The following LIPA variants were observed in gnomAD, a reference collection of about 807,000 sequenced individuals.
LIPA encodes lipase A, lysosomal acid type.
A neutral mutation model predicts 40.6 loss-of-function variants in LIPA; 26 were observed. The observed-to-expected ratio is 0.64, with a 90% CI of 0.47 to 0.89. The LOEUF is 0.89. LIPA is among the 40% of genes least tolerant of loss of function. The pLI is 0.00. For synonymous variants in LIPA, 188 were observed against 168.4 expected, an observed-to-expected ratio of 1.12 and a Z score of -0.90; for missense variants, 455 against 479.6, an observed-to-expected ratio of 0.95 and a Z score of 0.48.
chr10:89,375,761 A>G (rs1045466339), intron 2 of LIPA, among the ~76,000 whole-genome samples: 4 of 152,106 alleles, frequency 2.6e-5, no homozygotes, highest in Non-Finnish European at 4.4e-5. Context: ...ATGCTTAGAG[A>G]ATTTTTCTGC....
intron 2 of LIPA, among the ~76,000 whole-genome samples, chr10:89,409,372 C>A (rs1589645026): frequency 6.6e-6 from 1 of 152,158 alleles, no homozygotes. Flanking sequence ...ATGGAGCATG[C>A]CAATCACCCG....
chr10:89,343,814 T>A (rs1267625480), upstream of LIPA, among the ~76,000 whole-genome samples: 1 of 152,202 alleles, frequency 6.6e-6, no homozygotes, highest in Non-Finnish European at 1.5e-5. Context: ...GGAGCTACAC[T>A]CAGGAAGCTT....
At chr10:89,230,804 G>T (rs1228825232) in intron 3 of LIPA, among the ~76,000 whole-genome samples, 1 of 152,188 alleles carries the variant, frequency 6.6e-6, no homozygotes, top group African/African-American at 2.4e-5. Flanking sequence ...CTGACACACA[G>T]TAAGAGTTCA....
At chr10:89,232,007 T>G (rs918548627) in intron 3 of LIPA, among the ~76,000 whole-genome samples, 1 of 152,228 alleles carries the variant, frequency 6.6e-6, no homozygotes, top group Non-Finnish European at 1.5e-5. Context: ...GCTTCTTGGC[T>G]TCAATGAAGA....
At chr10:89,392,516 C>T in intron 2 of LIPA, 1 of 167,858 alleles carries the variant, frequency 6.0e-6, no homozygotes, top group Non-Finnish European at 1.2e-5. Flanking sequence ...GTTTCACTTT[C>T]CCCTTTCGGT....
At chr10:89,312,818 A>AAAT (rs992867898) in intron 1 of LIPA, among the ~76,000 whole-genome samples, 4 of 151,330 alleles carry the variant, frequency 2.6e-5, no homozygotes, top group Non-Finnish European at 4.4e-5. Context: ...CAAAAAAAAA[A>AAAT]AATAATAATA....
At chr10:89,355,808 CA>C (rs1475266562) in intron 2 of LIPA, among the ~76,000 whole-genome samples, 2 of 152,178 alleles carry the variant, frequency 1.3e-5, no homozygotes, top group Admixed American at 1.3e-4. Context: ...TTAGCATTAG[CA>C]TGCTAAAAGA....
intron 1 of LIPA, among the ~76,000 whole-genome samples, chr10:89,310,025 T>A (rs1205665078): frequency 1.3e-5 from 2 of 152,228 alleles, no homozygotes; most frequent in Admixed American, 6.5e-5. Context: ...TATCCATCAA[T>A]GACCATTGCC....
At chr10:89,226,633 T>C (rs1189999103) in intron 5 of LIPA, among the ~76,000 whole-genome samples, 1 of 152,248 alleles carries the variant, frequency 6.6e-6, no homozygotes, top group Non-Finnish European at 1.5e-5. Context: ...TTTTCTACTC[T>C]CTCACATCCC....
chr10:89,339,457 TTGGAA>T, intron 1 of LIPA: 1 of 1,614,120 alleles, frequency 6.2e-7, no homozygotes, highest in Non-Finnish European at 8.5e-7. Flanking sequence ...TCAACGGGTG[TTGGAA>T]TCCACACCAA....
At chr10:89,291,915 A>AT (rs1466209631) in intron 1 of LIPA, 10 of 152,186 alleles carry the variant, frequency 6.6e-5, no homozygotes, top group Non-Finnish European at 1.5e-4. Context: ...AATGTGAGTG[A>AT]ATGTGATGTA....
At position 89,226,920 on chromosome 10, in the gene LIPA, C is replaced by T. The variant is rs1365374831; in HGVS notation, c.513G>A (p.Val171=). ...CTATAGTGGTGCCTTGAGAATGACC[C>T]ACATAATACACTTGTTCTTGGCCAG... ...NKTGQEQVYY[V]GHSQGTTIGF... is the part of the protein sequence containing the mutation. Residue 171 remains valine, a synonymous_variant, in exon 5 of 10, where the codon GTG becomes GTA. Coordinates refer to ENST00000336233, the MANE Select transcript of LIPA (RefSeq NM_000235.4). 2 of 1,605,672 alleles carry T rather than the reference C, an allele frequency of 1.2e-6. No homozygotes were observed. Among genetic ancestry groups the T allele is most frequent in the Non-Finnish European group, 1.7e-6 (2 of 1,172,704 alleles).
intron 1 of LIPA, chr10:89,332,534 A>T: frequency 6.2e-7 from 1 of 1,612,844 alleles, no homozygotes; most frequent in South Asian, 1.1e-5. Flanking sequence ...CCTGGGTGGA[A>T]ACCTCTTCAG....
chr10:89,399,606 A>C (rs1436119016), intron 2 of LIPA, among the ~76,000 whole-genome samples: 2 of 84,052 alleles, frequency 2.4e-5, no homozygotes, highest in Non-Finnish European at 4.0e-5. Context: ...CAGCTTTCCC[A>C]CACATTTGTT....
chr10:89,361,174 C>T (rs1009717686), intron 2 of LIPA, among the ~76,000 whole-genome samples: 4 of 152,142 alleles, frequency 2.6e-5, no homozygotes, highest in African/African-American at 7.2e-5. Context: ...GGACACAATT[C>T]AACCCTCCAA....
At chr10:89,410,106 G>A (rs1450170512) in intron 2 of LIPA, among the ~76,000 whole-genome samples, 1 of 152,220 alleles carries the variant, frequency 6.6e-6, no homozygotes, top group East Asian at 1.9e-4. Context: ...TAAGGAAACT[G>A]ATATAGTAGC....
chr10:89,384,455 A>G (rs755994172), intron 2 of LIPA: 1 of 1,614,246 alleles, frequency 6.2e-7, no homozygotes, highest in South Asian at 1.1e-5. Flanking sequence ...CAAGAGATTC[A>G]TTACCACTAC....
chr10:89,228,384 C>T lies in LIPA; in HGVS notation c.244G>A (p.Val82Ile), dbSNP rs757280650. The change falls in exon 4 of 10, where the codon GTC (valine) becomes ATC (isoleucine). Residue 82 changes from valine (V) to isoleucine (I), a missense_variant. Physicochemically the swap from Val to Ile is conservative, Grantham distance 29. Coordinates refer to ENST00000336233, the MANE Select transcript of LIPA (RefSeq NM_000235.4). ...NHSDKGPKPV[V>I]FLQHGLLADS... ...GCCAGCAAGCCATGTTGCAGGAAGA[C>T]AACTGGTTTGGGACCTGAAAAACAT... The T allele has an allele frequency of 2.5e-6, 4 of 1,614,096 alleles. No homozygotes were observed. Among genetic ancestry groups the T allele is most frequent in the Non-Finnish European group, 3.4e-6 (4 of 1,180,032 alleles).
intron 2 of LIPA, among the ~76,000 whole-genome samples, chr10:89,374,360 CTT>C (rs1491453489): frequency 1.6e-4 from 24 of 152,202 alleles, no homozygotes; most frequent in East Asian, 1.9e-4. Context: ...CTCTCTCTCT[CTT>C]ACACAATGTG....
Sources: gnomAD v4.1 joint callset for allele counts (sites outside exome capture counted in the v4.1 genomes callset) on GRCh38, gnomAD v4.1.1 for gene constraint, MANE v1.5 for transcripts, NCBI Gene and HGNC (gene_info 2026-07-23, HGNC 2026-07-21) for gene names.